LMCD1: variants seen among roughly 807,000 people sequenced by gnomAD.
The protein encoded by LMCD1 is LIM and cysteine rich domains 1.
LMCD1 carries 32 observed loss-of-function variants against 42.7 expected under a neutral mutation model. The ratio of observed to expected loss-of-function variants is 0.75; its 90% confidence interval spans 0.57 to 1.01. The LOEUF is 1.01. LMCD1 is among the 50% of genes least tolerant of loss of function. The pLI is 0.00. For synonymous variants in LMCD1, 178 were observed against 184.9 expected (o/e 0.96, Z 0.30); for missense variants, 458 against 483.1 (o/e 0.95, Z 0.49).
chr3:8,526,610 T>G (rs1391753569), intron 1 of LMCD1, among the ~76,000 whole-genome samples: 1 of 152,210 alleles, frequency 6.6e-6, no homozygotes, highest in Non-Finnish European at 1.5e-5. Context: ...CAGCGATGTC[T>G]GGGCCCCACC....
intron 1 of LMCD1, among the ~76,000 whole-genome samples, chr3:8,521,475 C>T (rs1177638145): frequency 6.6e-6 from 1 of 152,212 alleles, no homozygotes; most frequent in Non-Finnish European, 1.5e-5. Context: ...TTCTCAAAGG[C>T]TGTCGCCCAT....
chr3:8,506,291 C>T (rs1021190014), intron 1 of LMCD1, among the ~76,000 whole-genome samples: 7 of 152,142 alleles, frequency 4.6e-5, no homozygotes, highest in African/African-American at 1.2e-4. Context: ...AACACTCCTA[C>T]GAGTTGGAAA....
intron 3 of LMCD1, among the ~76,000 whole-genome samples, chr3:8,538,729 C>T (rs192279824): frequency 3.9e-5 from 6 of 152,288 alleles, no homozygotes; most frequent in African/African-American, 1.4e-4. Flanking sequence ...TATTTCTTTT[C>T]GTTTCTTTAA....
At chr3:8,556,721 G>A (rs992169294) in intron 4 of LMCD1, among the ~76,000 whole-genome samples, 1 of 152,198 alleles carries the variant, frequency 6.6e-6, no homozygotes, top group African/African-American at 2.4e-5. Flanking sequence ...CTTTTGCAAG[G>A]AGCCAGTCCT....
intron 1 of LMCD1, among the ~76,000 whole-genome samples, chr3:8,509,974 C>T (rs1327928485): frequency 6.6e-6 from 1 of 152,194 alleles, no homozygotes; most frequent in Non-Finnish European, 1.5e-5. Flanking sequence ...GTTGTCTTTG[C>T]TCAGCATATG....
intron 3 of LMCD1, among the ~76,000 whole-genome samples, chr3:8,545,965 A>G (rs1379380214): frequency 6.6e-6 from 1 of 152,186 alleles, no homozygotes; most frequent in Admixed American, 6.5e-5. Flanking sequence ...CGTCTCTACT[A>G]AAAATACAAA....
At chr3:8,502,048 C>G in intron 1 of LMCD1, 68 bp downstream of exon 1, 1 of 1,445,864 alleles carries the variant, frequency 6.9e-7, no homozygotes, top group Middle Eastern at 1.7e-4. Flanking sequence ...CATCTGTTCG[C>G]GGAAACTTCC....
rs143155421 is a variant in LMCD1 at position 8,530,040 on chromosome 3, G to A, written c.43-2697G>A. Among the ~76,000 whole-genome samples, 23 of 152,270 alleles carry A rather than the reference G, an allele frequency of 1.5e-4. 1 individual carries two copies. The highest frequency in any genetic ancestry group is 2.2e-4 in the Non-Finnish European group (15 of 68,016). On this transcript the variant is annotated intron_variant, in intron 1 of 5. Transcript: ENST00000157600. ...AGGGGAAAAACTGAGACTAAAACCC[G>A]GGACTAAAGCCTGGGTCTCCAAACC...
chr3:8,502,312 A>ATATATATTATATATATTTTATAT (rs1559342085), intron 1 of LMCD1, among the ~76,000 whole-genome samples: 2 of 19,672 alleles, frequency 1.0e-4, no homozygotes, highest in African/African-American at 2.6e-4. Context: ...ATAATATATA[A>ATATATATTATATATATTTTATAT]AATATATATT....
intron 4 of LMCD1, chr3:8,550,304 T>G (rs776902195): frequency 1.0e-6 from 1 of 1,003,252 alleles, no homozygotes; most frequent in Non-Finnish European, 1.2e-6. Flanking sequence ...TTCATTTGTT[T>G]CTATGGCAAT....
intron 4 of LMCD1, among the ~76,000 whole-genome samples, chr3:8,560,525 T>A (rs1189387996): frequency 6.6e-6 from 1 of 152,250 alleles, no homozygotes; most frequent in African/African-American, 2.4e-5. Context: ...ATCATGGTGT[T>A]ACCCAATGGG....
intron 1 of LMCD1, among the ~76,000 whole-genome samples, chr3:8,521,844 T>C (rs1479208986): frequency 1.3e-5 from 2 of 152,182 alleles, no homozygotes; most frequent in African/African-American, 4.8e-5. Context: ...GTGATTGCAA[T>C]CATAGATTCT....
chr3:8,556,321 C>T (rs1694932874), intron 4 of LMCD1, among the ~76,000 whole-genome samples: 2 of 151,920 alleles, frequency 1.3e-5, no homozygotes, highest in Non-Finnish European at 2.9e-5. Context: ...TAGTGGACTA[C>T]AACCAGAATT....
Position 8,572,010 on chromosome 3 carries a change from A to G in LMCD1, c.*4412A>G, listed in dbSNP as rs1055423510. 5.3e-5 allele frequency: 8 copies of G among 152,362 alleles called. No individual in the cohort carries two copies. Among genetic ancestry groups the G allele is most frequent in the African/African-American group, 1.7e-4 (7 of 41,592 alleles). 9.4% of individuals were successfully genotyped at this position (152,362 alleles called of 1,614,324 possible). A position where few individuals can be genotyped will look rare whatever the true frequency, so the allele number is the denominator to read the frequency against. On this transcript the variant is annotated 3_prime_UTR_variant, in exon 6 of 6. Transcript: ENST00000157600. ...CCTCAGATCCAATTCAAGTGTCACC[A>G]GCTGTCCCAATAATGTCTTTTATAA...
At position 8,571,672 on chromosome 3, in the gene LMCD1, T is replaced by C. The variant is rs908410904; in HGVS notation, c.*4074T>C. 3 of 152,386 alleles carry C rather than the reference T, an allele frequency of 2.0e-5. No homozygotes were observed. Among genetic ancestry groups the C allele is most frequent in the East Asian group, 1.9e-4 (1 of 5,190 alleles). The allele number at this position is 152,386 out of a possible 1,614,324, so 9.4% of individuals were successfully genotyped here. ...CTGGTCTGCAGCTGGAGAAAGGCCA[T>C]GCGCCTCTATTACCAGCCAGTGGGG... On this transcript the variant is annotated 3_prime_UTR_variant, in exon 6 of 6. Coordinates refer to ENST00000157600, the MANE Select transcript of LMCD1 (RefSeq NM_014583.4).
At position 8,573,254 on chromosome 3, in the gene LMCD1, A is replaced by C. The variant is rs1559360754; in HGVS notation, c.*5656A>C. The C allele has an allele frequency of 6.6e-6, 1 of 152,170 alleles. No homozygotes were observed. The highest frequency in any genetic ancestry group is 1.5e-5 in the Non-Finnish European group (1 of 68,044). The allele number at this position is 152,170 out of a possible 1,614,324, so 9.4% of individuals were successfully genotyped here. The stretch of plus-strand genomic sequence containing the variant: ...CCATTACACTTCCTAGTTTATTTGG[A>C]TTTAAGTTGACAAATAAAAATTGCA... On this transcript the variant is annotated 3_prime_UTR_variant, in exon 6 of 6. Coordinates refer to ENST00000157600, the MANE Select transcript of LMCD1 (RefSeq NM_014583.4).
chr3:8,541,485 G>T (rs1221870845), intron 3 of LMCD1, among the ~76,000 whole-genome samples: 1 of 152,120 alleles, frequency 6.6e-6, no homozygotes, highest in Non-Finnish European at 1.5e-5. Context: ...GGAGGCAGAG[G>T]TTGCAGTGAG....
At chr3:8,563,497 C>T (rs561640632) in intron 4 of LMCD1, among the ~76,000 whole-genome samples, 1 of 152,230 alleles carries the variant, frequency 6.6e-6, no homozygotes, top group Non-Finnish European at 1.5e-5. Context: ...CAAGCAGCCT[C>T]TCTCTGCCCT....
chr3:8,529,203 G>GT, intron 1 of LMCD1, among the ~76,000 whole-genome samples: 1 of 152,298 alleles, frequency 6.6e-6, no homozygotes, highest in East Asian at 1.9e-4. Context: ...CGTTCTCTCT[G>GT]TGTTGAAGAT....
Sources: gnomAD v4.1 joint callset for allele counts (sites outside exome capture counted in the v4.1 genomes callset) on GRCh38, gnomAD v4.1.1 for gene constraint, MANE v1.5 for transcripts, NCBI Gene and HGNC (gene_info 2026-07-23, HGNC 2026-07-21) for gene names.